Variants in FHIT observed in about 807,000 individuals in gnomAD.
The protein encoded by FHIT is bis(5'-adenosyl)-triphosphatase.
In FHIT, 19 loss-of-function variants were observed where a neutral mutation model predicts 17.9. The ratio of observed to expected loss-of-function variants is 1.06; its 90% CI spans 0.74 to 1.56. The LOEUF (loss-of-function observed/expected upper bound fraction) is 1.56, where lower values mean the gene tolerates loss of function less well. Ranked by LOEUF, FHIT falls within the 40% of genes most tolerant of loss-of-function variation. FHIT has a pLI of 0.00. For missense variants in FHIT, 248 were observed against 189.2 expected (o/e 1.31, Z -1.82); for synonymous variants, 81 against 69.7 (o/e 1.16, Z -0.81).
chr3:61,059,129 T>A (rs112650083), intron 2 of FHIT, among the ~76,000 whole-genome samples: 6 of 152,216 alleles, frequency 3.9e-5, no homozygotes, highest in Non-Finnish European at 5.9e-5. Flanking sequence ...CTATTTGTTA[T>A]GCTGTTAGCT....
At chr3:60,855,551 G>T (rs994680092) in intron 3 of FHIT, among the ~76,000 whole-genome samples, 7 of 151,994 alleles carry the variant, frequency 4.6e-5, no homozygotes, top group Non-Finnish European at 5.9e-5. Context: ...AACTAACCCT[G>T]GGATCCTCTA....
intron 5 of FHIT, among the ~76,000 whole-genome samples, chr3:60,072,969 T>C (rs1273895824): frequency 1.3e-5 from 2 of 152,218 alleles, no homozygotes; most frequent in Non-Finnish European, 2.9e-5. Flanking sequence ...TGCACTGTGT[T>C]ACTAAATGCC....
chr3:60,550,108 G>T (rs1344648455), intron 4 of FHIT, among the ~76,000 whole-genome samples: 2 of 152,134 alleles, frequency 1.3e-5, no homozygotes, highest in Non-Finnish European at 2.9e-5. Context: ...CTGGCTAATG[G>T]ATCCCAAGAT....
At chr3:60,250,237 T>C (rs1705626511) in intron 5 of FHIT, among the ~76,000 whole-genome samples, 2 of 152,280 alleles carry the variant, frequency 1.3e-5, no homozygotes, top group African/African-American at 4.8e-5. Context: ...TCCTAGCCAA[T>C]AAATTCTATT....
At chr3:60,538,829 A>G (rs1251985899) in intron 4 of FHIT, among the ~76,000 whole-genome samples, 1 of 152,228 alleles carries the variant, frequency 6.6e-6, no homozygotes, top group Non-Finnish European at 1.5e-5. Context: ...ACCAAAAACC[A>G]TAAAAACCCT....
chr3:60,629,601 A>C (rs2039386738), intron 4 of FHIT, among the ~76,000 whole-genome samples: 1 of 152,176 alleles, frequency 6.6e-6, no homozygotes, highest in Non-Finnish European at 1.5e-5. Flanking sequence ...AGCAGAATTA[A>C]AGTCAACTCA....
intron 5 of FHIT, among the ~76,000 whole-genome samples, chr3:60,493,483 A>G (rs1259182201): frequency 2.0e-5 from 3 of 152,230 alleles, no homozygotes; most frequent in Admixed American, 6.5e-5. Context: ...CAAATTATCA[A>G]CAAGCAATAG....
At chr3:60,306,350 A>T (rs1174775265) in intron 5 of FHIT, among the ~76,000 whole-genome samples, 1 of 152,158 alleles carries the variant, frequency 6.6e-6, no homozygotes, top group Non-Finnish European at 1.5e-5. Context: ...CTTTAGTCCC[A>T]ATTTGTTTGA....
At chr3:60,708,429 A>C (rs2041428778) in intron 4 of FHIT, among the ~76,000 whole-genome samples, 1 of 152,172 alleles carries the variant, frequency 6.6e-6, no homozygotes, top group African/African-American at 2.4e-5. Flanking sequence ...AACCCTTCCC[A>C]AGTTCATTGA....
At chr3:60,943,693 C>T (rs564892674) in intron 3 of FHIT, among the ~76,000 whole-genome samples, 1 of 152,260 alleles carries the variant, frequency 6.6e-6, no homozygotes, top group South Asian at 2.1e-4. Flanking sequence ...TCTCACTGAA[C>T]CAAGTACTGC....
At chr3:60,813,753 A>G (rs1286823233) in intron 4 of FHIT, among the ~76,000 whole-genome samples, 1 of 152,218 alleles carries the variant, frequency 6.6e-6, no homozygotes, top group Non-Finnish European at 1.5e-5. Flanking sequence ...AAAGACATAA[A>G]GTGATCTCAC....
intron 2 of FHIT, among the ~76,000 whole-genome samples, chr3:61,070,813 C>T (rs1276021032): frequency 6.6e-6 from 1 of 152,188 alleles, no homozygotes; most frequent in Non-Finnish European, 1.5e-5. Flanking sequence ...AGCCCCTCAT[C>T]CAGTGTTCTA....
chr3:60,926,601 T>G (rs557302966), intron 3 of FHIT, among the ~76,000 whole-genome samples: 23 of 151,954 alleles, frequency 1.5e-4, no homozygotes, highest in Non-Finnish European at 2.8e-4. Context: ...ACAAGAGAAA[T>G]CAGGAAAGAT....
chr3:60,765,972 G>C (rs1699837865), intron 4 of FHIT, among the ~76,000 whole-genome samples: 1 of 152,134 alleles, frequency 6.6e-6, no homozygotes, highest in African/African-American at 2.4e-5. Context: ...CAGTGGCTCA[G>C]ACTTTGGCCA....
chr3:60,524,685 T>C (rs1175749105), intron 5 of FHIT, among the ~76,000 whole-genome samples: 1 of 151,796 alleles, frequency 6.6e-6, no homozygotes. Context: ...TTCTGATGGC[T>C]GTCAGCATTC....
chr3:60,642,388 T>C (rs564831499), intron 4 of FHIT, among the ~76,000 whole-genome samples: 1 of 152,296 alleles, frequency 6.6e-6, no homozygotes, highest in African/African-American at 2.4e-5. Flanking sequence ...AGACCCAGGG[T>C]TGCAGATCCT....
At position 60,900,312 on chromosome 3, in the gene FHIT, C is replaced by T. The variant is rs116658999; in HGVS notation, c.-110-78301G>A. Among the ~76,000 whole-genome samples the T allele has an allele frequency of 4.4e-3, 662 of 152,146 alleles. 7 individuals carry two copies. Among genetic ancestry groups the T allele is most frequent in the African/African-American group, 0.015 (614 of 41,512 alleles). On this transcript the variant is annotated intron_variant, in intron 3 of 9. Transcript: ENST00000492590. ...GTGGTGGCCATGCCTGAAGTCCTAG[C>T]TACATGGGAGGCTGAGATAGGAGGA... is the stretch of plus-strand genomic sequence containing the variant.
At chr3:60,294,127 T>G (rs1409195777) in intron 5 of FHIT, among the ~76,000 whole-genome samples, 3 of 152,160 alleles carry the variant, frequency 2.0e-5, no homozygotes, top group Non-Finnish European at 4.4e-5. Context: ...TCTACAGGAC[T>G]TAAAAAAGCA....
chr3:60,666,381 G>A (rs1331917103), intron 4 of FHIT, among the ~76,000 whole-genome samples: 1 of 152,096 alleles, frequency 6.6e-6, no homozygotes, highest in African/African-American at 2.4e-5. Context: ...ATTTACAGTT[G>A]ATAATTCTTT....
Sources: gnomAD v4.1 joint callset for allele counts (sites outside exome capture counted in the v4.1 genomes callset) on GRCh38, gnomAD v4.1.1 for gene constraint, MANE v1.5 for transcripts, NCBI Gene and HGNC (gene_info 2026-07-23, HGNC 2026-07-21) for gene names.